TNFSF12: variants seen among roughly 807,000 people sequenced by gnomAD.
The protein encoded by TNFSF12 is TNF superfamily member 12.
In TNFSF12, 16 loss-of-function variants were observed where a neutral mutation model predicts 31.2. That is an observed-to-expected ratio of 0.51 (90% CI 0.35 to 0.78). The LOEUF is 0.78. TNFSF12 is among the 30% of genes least tolerant of loss of function. The pLI is 0.01. For synonymous variants in TNFSF12, 150 were observed against 151.4 expected (o/e 0.99, Z 0.07); for missense variants, 324 against 338.8 (o/e 0.96, Z 0.34).
chr17:7,551,028 T>A, intron 5 of TNFSF12, 50 bp downstream of exon 5: 1 of 1,611,054 alleles, frequency 6.2e-7, no homozygotes, highest in African/African-American at 1.3e-5. Context: ...AAAAGGGCCC[T>A]TGAAAACCTT....
At position 7,549,928 on chromosome 17, in the gene TNFSF12, G is replaced by A. The variant is rs999474477; in HGVS notation, c.208-192G>A. The A allele has an allele frequency of 2.4e-5, 18 of 738,844 alleles. No individual in the cohort carries two copies. Among genetic ancestry groups the A allele is most frequent in the Non-Finnish European group, 3.1e-5 (14 of 453,174 alleles). 45.8% of individuals were successfully genotyped at this position (738,844 alleles called of 1,614,324 possible). ...GGTGGGAAAGTGTAGCTGGTCTAGA[G>A]GAAAGGGTGAGGACTGGGGCCTGAC... On this transcript the variant is annotated intron_variant, in intron 2 of 6. Coordinates refer to ENST00000293825, the MANE Select transcript of TNFSF12 (RefSeq NM_003809.3). The surrounding 1 kb of genome is among the most constrained non-coding windows in gnomAD (Gnocchi z 4.1).
Position 7,549,613 on chromosome 17 carries a change from C to T in TNFSF12, c.207+92C>T. 2 of 1,439,344 alleles carry T rather than the reference C, an allele frequency of 1.4e-6. No individual in the cohort carries two copies. The highest frequency in any genetic ancestry group is 1.8e-6 in the Non-Finnish European group (2 of 1,088,930). The allele number at this position is 1,439,344 out of a possible 1,614,324, so 89.2% of individuals were successfully genotyped here. On this transcript the variant is annotated intron_variant, in intron 2 of 6. Transcript: ENST00000293825. The surrounding 1 kb of genome is among the most constrained non-coding windows in gnomAD (Gnocchi z 4.1). Reference sequence around the variant, plus strand: ...GGTGTGTGCAGCTGTGCCAGCCGTACTCGAGGTGTGTGCAGGGTGTGTGTG... The same window carrying T: ...GGTGTGTGCAGCTGTGCCAGCCGTATTCGAGGTGTGTGCAGGGTGTGTGTG...
rs149050050 is a variant in TNFSF12 at position 7,557,154 on chromosome 17, G to A, written c.554G>A (p.Gly185Asp). The A allele has an allele frequency of 6.2e-7, 1 of 1,613,740 alleles. No individual in the cohort carries two copies. The highest frequency in any genetic ancestry group is 8.5e-7 in the Non-Finnish European group (1 of 1,179,994). The change falls in exon 7 of 7, where the codon GGT becomes GAT. Residue 185 changes from glycine (G) to aspartate (D), a missense_variant. Physicochemically the swap from Gly to Asp is moderately conservative, Grantham distance 94. Coordinates refer to ENST00000293825, the MANE Select transcript of TNFSF12 (RefSeq NM_003809.3). The surrounding 1 kb of genome is among the most constrained non-coding windows in gnomAD (Gnocchi z 5.2). Reference protein sequence around the residue: ...VYLKLDLLVDGVLALRCLEEF... With the variant: ...VYLKLDLLVDDVLALRCLEEF... Reference sequence around the variant, plus strand: ...CTGAAGCTGGACTTGCTGGTGGATGGTGTGCTGGCCCTGCGCTGCCTGGAG... The same window carrying A: ...CTGAAGCTGGACTTGCTGGTGGATGATGTGCTGGCCCTGCGCTGCCTGGAG...
rs3803798 is a variant in TNFSF12 at position 7,557,200 on chromosome 17, G to A, written c.600G>A (p.Ala200=). The change falls in exon 7 of 7, where the codon GCG becomes GCA. Residue 200 remains alanine, a synonymous_variant. Transcript: ENST00000293825. This position sits in a 1 kb window ranked among gnomAD's most constrained non-coding sequence, Gnocchi z 5.2. ...RCLEEFSATA[A]SSLGPQLRLC... ...TGGAGGAATTCTCAGCCACTGCGGC[G>A]AGTTCCCTCGGGCCCCAGCTCCGCC... The A allele has an allele frequency of 1.1e-5, 17 of 1,613,348 alleles. No homozygotes were observed. The highest frequency in any genetic ancestry group is 1.2e-5 in the Non-Finnish European group (14 of 1,179,884).
rs72827552 is a variant in TNFSF12 at position 7,552,633 on chromosome 17, G to A, written c.373+1655G>A. 1.5e-3 allele frequency among the ~76,000 whole-genome samples: 230 copies of A among 152,088 alleles called. 1 individual carries two copies. Among genetic ancestry groups the A allele is most frequent in the Non-Finnish European group, 2.3e-3 (158 of 67,980 alleles). ...TGTGAGCCCTTGTGCCCGGCCTATC[G>A]ATGGCATTTAAAGCCACAGGATTGG... On this transcript the variant is annotated intron_variant, in intron 5 of 6. Coordinates refer to ENST00000293825, the MANE Select transcript of TNFSF12 (RefSeq NM_003809.3).
rs371920079 is a variant in TNFSF12, at chr17:7,557,077, C to T, written c.499-22C>T. 130 of 1,598,648 alleles carry T rather than the reference C, an allele frequency of 8.1e-5. No homozygotes were observed. Among genetic ancestry groups the T allele is most frequent in the Middle Eastern group, 1.7e-4 (1 of 6,016 alleles). ...GCGAGGGCAGGCAGAGGCCTGGACT[C>T]GGCCTGTTGTCCCCACCCCAGGTGC... On this transcript the variant is annotated intron_variant, in intron 6 of 6. Transcript: ENST00000293825. The surrounding 1 kb of genome is among the most constrained non-coding windows in gnomAD (Gnocchi z 5.2).
chr17:7,553,034 T>C (rs1291100614), intron 5 of TNFSF12, among the ~76,000 whole-genome samples: 2 of 29,848 alleles, frequency 6.7e-5, no homozygotes, highest in East Asian at 1.4e-3. Context: ...TTTTTTTTTT[T>C]TTTTTTTTTT....
At chr17:7,551,063 A>T (rs1010310690) in intron 5 of TNFSF12, 85 bp downstream of exon 5, 2 of 1,600,600 alleles carry the variant, frequency 1.2e-6, no homozygotes, top group Non-Finnish European at 1.7e-6. Flanking sequence ...CTTCCCGGCC[A>T]TCAGTCTCAG....
rs576952191 is a variant in TNFSF12, at chr17:7,550,593, C to T, written c.284-206C>T. Among the ~76,000 whole-genome samples the T allele has an allele frequency of 1.3e-5, 2 of 152,112 alleles. No homozygotes were observed. The highest frequency in any genetic ancestry group is 2.1e-4 in the South Asian group (1 of 4,824). ...CTCGGTGTGATTAATAGCAGCTTCC[C>T]GTTTTGCTCTCAGCAGTATCCCAGT... On this transcript the variant is annotated intron_variant, in intron 3 of 6. Coordinates refer to ENST00000293825, the MANE Select transcript of TNFSF12 (RefSeq NM_003809.3). The surrounding 1 kb of genome is among the most constrained non-coding windows in gnomAD (Gnocchi z 4.4).
chr17:7,553,901 G>A (rs1468201873), intron 5 of TNFSF12: 32 of 1,032,450 alleles, frequency 3.1e-5, no homozygotes, highest in Admixed American at 4.7e-5. Context: ...GACAACTAGG[G>A]AGATGGAGAC....
chr17:7,555,981 T>G (rs112924348), intron 5 of TNFSF12, among the ~76,000 whole-genome samples: 21 of 106,508 alleles, frequency 2.0e-4, no homozygotes, highest in African/African-American at 8.1e-4. Context: ...GCGTTTTTTT[T>G]GTTTTTTTTT....
chr17:7,551,034 AC>A, intron 5 of TNFSF12, 56 bp downstream of exon 5: 1 of 1,609,466 alleles, frequency 6.2e-7, no homozygotes, highest in Non-Finnish European at 8.5e-7. Flanking sequence ...GCCCTTGAAA[AC>A]CTTTGACCTC....
At chr17:7,552,005 C>G (rs2071006109) in intron 5 of TNFSF12, among the ~76,000 whole-genome samples, 1 of 152,032 alleles carries the variant, frequency 6.6e-6, no homozygotes, top group Admixed American at 6.5e-5. Flanking sequence ...AGGCTGGTCT[C>G]AAACTCTTGA....
At position 7,557,144 on chromosome 17, in the gene TNFSF12, CTGGTGGA is replaced by C; in HGVS notation, c.550_556del (p.Asp184CysfsTer119). 1 of 1,613,820 alleles carries C rather than the reference CTGGTGGA, an allele frequency of 6.2e-7. No individual in the cohort carries two copies. Among genetic ancestry groups the C allele is most frequent in the South Asian group, 1.1e-5 (1 of 91,084 alleles). On this transcript the variant is annotated frameshift_variant, in exon 7 of 7. Coordinates refer to ENST00000293825, the MANE Select transcript of TNFSF12 (RefSeq NM_003809.3). LOFTEE classifies it high-confidence loss of function. The surrounding 1 kb of genome is among the most constrained non-coding windows in gnomAD (Gnocchi z 5.2). ...GGCTGTCTACCTGAAGCTGGACTTG[CTGGTGGA>C]TGGTGTGCTGGCCCTGCGCTGCCTG... is the stretch of plus-strand genomic sequence containing the variant.
At chr17:7,554,479 A>G (rs1417315096) in intron 5 of TNFSF12, among the ~76,000 whole-genome samples, 2 of 150,530 alleles carry the variant, frequency 1.3e-5, no homozygotes, top group African/African-American at 4.9e-5. Flanking sequence ...ACGCCTGGCT[A>G]ATTTTTTTTT....
Position 7,549,391 on chromosome 17 carries a change from T to G in TNFSF12, c.159+79T>G, listed in dbSNP as rs1457460196. On this transcript the variant is annotated intron_variant, in intron 1 of 6. Transcript: ENST00000293825. This position sits in a 1 kb window ranked among gnomAD's most constrained non-coding sequence, Gnocchi z 4.1. ...AGGGGCCGCTGGGGGCCGCGTGGGC[T>G]GAAGGCAAGGGGAAGGGAGGATGGG... 12 of 1,410,782 alleles carry G rather than the reference T, an allele frequency of 8.5e-6. No homozygotes were observed. Among genetic ancestry groups the G allele is most frequent in the Non-Finnish European group, 1.1e-5 (12 of 1,068,314 alleles). The allele number at this position is 1,410,782 out of a possible 1,614,324, so 87.4% of individuals were successfully genotyped here. A position where few individuals can be genotyped will look rare whatever the true frequency, so the allele number is the denominator to read the frequency against.
intron 5 of TNFSF12, among the ~76,000 whole-genome samples, chr17:7,551,569 C>G (rs1368000434): frequency 6.6e-6 from 1 of 152,180 alleles, no homozygotes; most frequent in Non-Finnish European, 1.5e-5. Flanking sequence ...CGCTGACACC[C>G]CTGCTCCCGG....
chr17:7,553,277 G>A (rs926819131), intron 5 of TNFSF12, among the ~76,000 whole-genome samples: 2 of 151,968 alleles, frequency 1.3e-5, no homozygotes, highest in African/African-American at 4.8e-5. Flanking sequence ...TCAAACTCCC[G>A]ACCTCAGGTG....
chr17:7,554,658 T>G (rs1396682030), intron 5 of TNFSF12, among the ~76,000 whole-genome samples: 8 of 144,284 alleles, frequency 5.5e-5, no homozygotes, highest in African/African-American at 2.1e-4. Flanking sequence ...TTGCTCTTGT[T>G]GCCCCAGCTG....
Sources: allele counts gnomAD v4.1 joint callset (sites outside exome capture counted in the v4.1 genomes callset), GRCh38; gene constraint gnomAD v4.1.1; non-coding constraint Gnocchi (gnomAD v3.1); transcripts MANE v1.5; gene names NCBI Gene and HGNC (gene_info 2026-07-23, HGNC 2026-07-21).